The following SYNE2 variants were observed in gnomAD, a reference collection of about 807,000 sequenced individuals.
SYNE2 encodes spectrin repeat containing nuclear envelope protein 2, also known as nesprin-2.
Under a neutral mutation model 856.3 loss-of-function variants are expected in SYNE2, and 431 were observed. That is an observed-to-expected ratio of 0.50 (90% CI 0.47 to 0.55). The LOEUF (loss-of-function observed/expected upper bound fraction) is 0.55, where lower values mean the gene tolerates loss of function less well. Ranked by LOEUF, SYNE2 falls within the 20% of genes least tolerant of loss-of-function variation. The pLI is 0.00. For synonymous variants in SYNE2, 2,923 were observed against 2,872.3 expected (o/e 1.02, Z -0.56); for missense variants, 8,129 against 8,023.2 (o/e 1.01, Z -0.50).
intron 45 of SYNE2, among the ~76,000 whole-genome samples, chr14:64,037,917 C>G (rs1441869873): frequency 9.6e-5 from 14 of 146,476 alleles, no homozygotes; most frequent in South Asian, 2.2e-4. Flanking sequence ...CCTCCCGGAC[C>G]GGGCGGCTGG....
chr14:64,044,524 T>A (rs2097171822), intron 45 of SYNE2, among the ~76,000 whole-genome samples: 1 of 152,138 alleles, frequency 6.6e-6, no homozygotes, highest in Admixed American at 6.5e-5. Context: ...GGTTTTGAAA[T>A]GTGAGGACAT....
chr14:63,969,260 C>T (rs555713136), intron 11 of SYNE2, among the ~76,000 whole-genome samples: 45 of 150,372 alleles, frequency 3.0e-4, no homozygotes, highest in African/African-American at 1.1e-3. Flanking sequence ...AACTCTGACT[C>T]CTGAGTTCAA....
chr14:64,169,032 GC>G (rs2098397590), intron 93 of SYNE2, 61 bp downstream of exon 93: 1 of 1,339,364 alleles, frequency 7.5e-7, no homozygotes, highest in Non-Finnish European at 1.1e-6. Context: ...TTCAGTCAGG[GC>G]AGGCTTTCCA....
intron 108 of SYNE2, among the ~76,000 whole-genome samples, chr14:64,216,612 G>C (rs2098667758): frequency 6.6e-6 from 1 of 152,204 alleles, no homozygotes; most frequent in South Asian, 2.1e-4. Flanking sequence ...CCATCTTTCT[G>C]TATGTTGGTG....
At chr14:63,765,330 C>G (rs916429529) in intron 1 of SYNE2, among the ~76,000 whole-genome samples, 2 of 152,246 alleles carry the variant, frequency 1.3e-5, no homozygotes, top group African/African-American at 2.4e-5. Context: ...TTCTCAAATT[C>G]ATACTCATAT....
chr14:63,947,380 T>G (rs997382106), intron 6 of SYNE2, among the ~76,000 whole-genome samples: 5 of 152,248 alleles, frequency 3.3e-5, no homozygotes, highest in African/African-American at 1.2e-4. Flanking sequence ...ATGTGCCTAG[T>G]GGCTGTCATA....
intron 1 of SYNE2, among the ~76,000 whole-genome samples, chr14:63,907,504 A>G (rs1369189488): frequency 5.3e-5 from 8 of 152,174 alleles, no homozygotes. Flanking sequence ...ATTGTTATAA[A>G]GATTAAATGA....
rs532906953 is a variant in SYNE2 at position 63,768,009 on chromosome 14, C to T, written c.-305+6023C>T. ...AGGAGTTCAGGACCAGCCTAGGCAG[C>T]ATGGTGAAACCCCGTCTTAACAAAA... On this transcript the variant is annotated intron_variant, in intron 1 of 23. Transcript: ENST00000674003. Among the ~76,000 whole-genome samples, 10 of 152,132 alleles carry T rather than the reference C, an allele frequency of 6.6e-5. No homozygotes were observed. The South Asian group carries it at 1.9e-3, about 28-fold the overall frequency.
chr14:63,970,156 C>G (rs114396751), intron 11 of SYNE2, among the ~76,000 whole-genome samples: 2 of 151,748 alleles, frequency 1.3e-5, no homozygotes, highest in African/African-American at 4.8e-5. Context: ...TAAATGACAC[C>G]GTTGTATCTT....
In SYNE2 at chr14:64,175,106, G is replaced by A; in HGVS notation, c.17398G>A (p.Glu5800Lys). 6.2e-7 allele frequency: 1 copy of A among 1,614,086 alleles called. No individual in the cohort carries two copies. Among genetic ancestry groups the A allele is most frequent in the Non-Finnish European group, 8.5e-7 (1 of 1,179,978 alleles). Reference protein sequence around the residue: ...SWKDMEPQLAEMIKQFQSTVE... With the variant: ...SWKDMEPQLAKMIKQFQSTVE... ...GAAAGACATGGAGCCCCAGCTGGCA[G>A]AGATGATTAAGCAGTTCCAGAGCAC... Residue 5800 changes from glutamate to lysine, a missense_variant, in exon 95 of 116, where the codon GAG (glutamate) becomes AAG (lysine). By Grantham distance (56) the Glu-to-Lys change is moderately conservative. Transcript: ENST00000555002.
chr14:64,082,259 T>C (rs1452008590), intron 57 of SYNE2, among the ~76,000 whole-genome samples: 1 of 152,104 alleles, frequency 6.6e-6, no homozygotes, highest in Non-Finnish European at 1.5e-5. Flanking sequence ...GGTTACGTTA[T>C]ATGATTAAGG....
rs1208523248 is a variant in SYNE2 at position 63,995,040 on chromosome 14, G to A, written c.2782-4G>A. 3 of 1,501,282 alleles carry A rather than the reference G, an allele frequency of 2.0e-6. No homozygotes were observed. The highest frequency in any genetic ancestry group is 1.4e-5 in the African/African-American group (1 of 71,204). The allele number at this position is 1,501,282 out of a possible 1,614,324, so 93.0% of individuals were successfully genotyped here. A position where few individuals can be genotyped will look rare whatever the true frequency, so the allele number is the denominator to read the frequency against. ...TTAATATATTCCTTTGATTTTTTTT[G>A]TAGTCTCTTCATCATGAACTGTCTT... On this transcript the variant is annotated splice_polypyrimidine_tract_variant and splice_region_variant and intron_variant, in intron 22 of 115. Coordinates refer to ENST00000555002, the MANE Select transcript of SYNE2 (RefSeq NM_182914.3).
At chr14:64,183,469 C>T (rs1318005043) in intron 96 of SYNE2, among the ~76,000 whole-genome samples, 7 of 147,858 alleles carry the variant, frequency 4.7e-5, no homozygotes, top group African/African-American at 1.3e-4. Flanking sequence ...ACATCCCAGA[C>T]GATGGGCGGC....
intron 99 of SYNE2, among the ~76,000 whole-genome samples, chr14:64,196,488 A>C (rs906878249): frequency 2.6e-5 from 4 of 152,200 alleles, no homozygotes; most frequent in African/African-American, 9.7e-5. Flanking sequence ...CAGATAAACT[A>C]AATGACCCTC....
rs565917973 is a variant in SYNE2, at chr14:64,168,910, A to G, written c.16939A>G (p.Ile5647Val). 23 of 1,614,106 alleles carry G rather than the reference A, an allele frequency of 1.4e-5. No homozygotes were observed. The highest frequency in any genetic ancestry group is 8.0e-5 in the African/African-American group (6 of 75,036). Residue 5647 changes from isoleucine to valine, a missense_variant, in exon 93 of 116, where the codon ATT becomes GTT. By Grantham distance (29) the Ile-to-Val change is conservative (BLOSUM62 3). Coordinates refer to ENST00000555002, the MANE Select transcript of SYNE2 (RefSeq NM_182914.3). ...AGCTGAAGTTTCTATAAACCAGACA[A>G]TTGCTGATTCCTATGTCACCCAGTC... ...LEAEVSINQT[I>V]ADSYVTQSLQ...
At chr14:64,099,244 G>A in intron 63 of SYNE2, 1 of 211,410 alleles carries the variant, frequency 4.7e-6, no homozygotes, top group Non-Finnish European at 9.6e-6. Flanking sequence ...CTAAGAATTT[G>A]TACTACTTGA....
rs2097717677 is a variant in SYNE2 at position 64,100,534 on chromosome 14, ATATATATATAT to A, written c.12382-1397_12382-1387del. 9.4e-4 allele frequency among the ~76,000 whole-genome samples: 44 copies of A among 46,606 alleles called. 1 individual carries two copies. Among genetic ancestry groups the A allele is most frequent in the African/African-American group, 3.4e-3 (29 of 8,480 alleles). 30.6% of individuals were successfully genotyped at this position (46,606 alleles called of 152,430 possible). On this transcript the variant is annotated intron_variant, in intron 63 of 115. Coordinates refer to ENST00000555002, the MANE Select transcript of SYNE2 (RefSeq NM_182914.3). ...TGTCTCAAAAAAAAAAAAAAAAAAT[ATATATATATAT>A]ATATATATATATATATATATATATA...
At chr14:64,068,328 T>C (rs1189636742) in intron 51 of SYNE2, among the ~76,000 whole-genome samples, 1 of 152,186 alleles carries the variant, frequency 6.6e-6, no homozygotes, top group Non-Finnish European at 1.5e-5. Flanking sequence ...TTAATCTGTT[T>C]CTGTTCTCAT....
At chr14:63,895,340 A>G (rs2095229497) in intron 1 of SYNE2, among the ~76,000 whole-genome samples, 1 of 151,092 alleles carries the variant, frequency 6.6e-6, no homozygotes, top group Non-Finnish European at 1.5e-5. Context: ...TGAACTCCTG[A>G]CCTTGTGATC....
Sources: gnomAD v4.1 joint callset for allele counts (sites outside exome capture counted in the v4.1 genomes callset) on GRCh38, gnomAD v4.1.1 for gene constraint, MANE v1.5 for transcripts, NCBI Gene and HGNC (gene_info 2026-07-23, HGNC 2026-07-21) for gene names.